CDH20: variants seen among roughly 807,000 people sequenced by gnomAD.
CDH20 encodes cadherin 20.
CDH20 carries 29 observed loss-of-function variants against 74.2 expected under a neutral mutation model. That is an observed-to-expected ratio of 0.39 (90% CI 0.29 to 0.53). CDH20 has a LOEUF of 0.53. Among genes scored for constraint, CDH20 ranks in the 20% least tolerant of loss-of-function variants. CDH20 has a pLI of 0.69. For synonymous variants in CDH20, 469 were observed against 405.4 expected (o/e 1.16, Z -1.88); for missense variants, 988 against 1,048.3 (o/e 0.94, Z 0.79).
intron 1 of CDH20, among the ~76,000 whole-genome samples, chr18:61,474,682 C>T (rs570201344): frequency 2.0e-5 from 3 of 152,098 alleles, no homozygotes; most frequent in African/African-American, 7.2e-5. Flanking sequence ...CTGTTGGTGC[C>T]GACACCATGC....
intron 6 of CDH20, among the ~76,000 whole-genome samples, chr18:61,520,583 G>C (rs1912170240): frequency 7.3e-6 from 1 of 136,320 alleles, no homozygotes; most frequent in African/African-American, 2.9e-5. Context: ...TCTGGACCAA[G>C]CAGACCTAAT....
chr18:61,520,780 A>C (rs1912177259), intron 6 of CDH20, among the ~76,000 whole-genome samples: 1 of 151,296 alleles, frequency 6.6e-6, no homozygotes, highest in Non-Finnish European at 1.5e-5. Context: ...AGGATTTAAA[A>C]ACTCACTCAA....
intron 6 of CDH20, among the ~76,000 whole-genome samples, chr18:61,507,844 T>A (rs1263341579): frequency 6.6e-6 from 1 of 152,154 alleles, no homozygotes; most frequent in Non-Finnish European, 1.5e-5. Context: ...CTTAAAAACC[T>A]GTTGTAGCTT....
At chr18:61,411,097 G>A (rs1277752788) in intron 1 of CDH20, among the ~76,000 whole-genome samples, 1 of 152,082 alleles carries the variant, frequency 6.6e-6, no homozygotes, top group Non-Finnish European at 1.5e-5. Flanking sequence ...CTACTCGGGG[G>A]GCTGAGGCAG....
chr18:61,482,803 T>C (rs902065248), intron 1 of CDH20, among the ~76,000 whole-genome samples: 1 of 152,156 alleles, frequency 6.6e-6, no homozygotes, highest in African/African-American at 2.4e-5. Flanking sequence ...GGCCCAACAT[T>C]ACTTTGGCAT....
intron 1 of CDH20, among the ~76,000 whole-genome samples, chr18:61,423,561 T>A (rs1411447324): frequency 1.3e-5 from 2 of 152,080 alleles, no homozygotes; most frequent in Non-Finnish European, 2.9e-5. Flanking sequence ...AGGCTGACTC[T>A]CTCTGGAAAT....
chr18:61,424,054 G>A (rs1912983210), intron 1 of CDH20, among the ~76,000 whole-genome samples: 1 of 152,150 alleles, frequency 6.6e-6, no homozygotes, highest in South Asian at 2.1e-4. Context: ...GCAGACTTGA[G>A]TATATGCAAC....
At chr18:61,528,347 G>GT (rs1395451623) in intron 7 of CDH20, 127 bp downstream of exon 7, 5 of 888,080 alleles carry the variant, frequency 5.6e-6, no homozygotes, top group Admixed American at 2.5e-5. Context: ...TCCTCTTTGA[G>GT]TTTTTTGTGT....
chr18:61,408,969 G>C (rs1912413456), intron 1 of CDH20, among the ~76,000 whole-genome samples: 1 of 152,096 alleles, frequency 6.6e-6, no homozygotes, highest in Non-Finnish European at 1.5e-5. Flanking sequence ...CTCCTCATCT[G>C]CCACACTACA....
chr18:61,395,830 C>T (rs922083651), intron 1 of CDH20, among the ~76,000 whole-genome samples: 1 of 152,102 alleles, frequency 6.6e-6, no homozygotes, highest in Non-Finnish European at 1.5e-5. Flanking sequence ...GTCAGGAGAT[C>T]GCGACCATCC....
intron 1 of CDH20, among the ~76,000 whole-genome samples, chr18:61,478,371 A>T (rs963451659): frequency 2.0e-5 from 3 of 152,220 alleles, no homozygotes; most frequent in African/African-American, 7.2e-5. Flanking sequence ...TTTCTCTTGC[A>T]TGTTGCCTGT....
chr18:61,461,328 T>TAA (rs33964985), intron 1 of CDH20, among the ~76,000 whole-genome samples: 18 of 129,494 alleles, frequency 1.4e-4, no homozygotes, highest in Middle Eastern at 4.1e-3. Flanking sequence ...CTGGGTGACT[T>TAA]AAAAAAAAAA....
rs756372319 is a variant in CDH20, at chr18:61,554,172, C to T, written c.1901-18C>T. The T allele has an allele frequency of 1.1e-5, 17 of 1,598,530 alleles. No homozygotes were observed. The South Asian group carries it at 1.7e-4, about 16-fold the overall frequency. On this transcript the variant is annotated intron_variant, in intron 11 of 11. Transcript: ENST00000262717. ...CACATCTCCTCGGTAAACACACTCT[C>T]CTTTTTGTTCCTGGCAGTGCTGGTG...
Position 61,539,087 on chromosome 18 carries a change from C to T in CDH20, c.1472C>T (p.Ala491Val). The T allele has an allele frequency of 6.2e-7, 1 of 1,613,962 alleles. No homozygotes were observed. Among genetic ancestry groups the T allele is most frequent in the Non-Finnish European group, 8.5e-7 (1 of 1,179,868 alleles). The change falls in exon 9 of 12, where the codon GCT (alanine) becomes GTT (valine). Residue 491 changes from alanine (A) to valine (V), a missense_variant. Ala to Val is a moderately conservative substitution (Grantham distance 64, BLOSUM62 0). Transcript: ENST00000262717. ...TIKVLDVNDN[A>V]PEFPRFYEAF... is the part of the protein sequence containing the mutation. ...AAAGTCTTAGATGTGAATGACAATGCTCCAGAGTTCCCCAGATTCTATGAA... is the reference window on the plus strand; with the variant it reads ...AAAGTCTTAGATGTGAATGACAATGTTCCAGAGTTCCCCAGATTCTATGAA...
Position 61,427,006 on chromosome 18 carries a change from A to T in CDH20, c.-152-63396A>T, listed in dbSNP as rs114424651. On this transcript the variant is annotated intron_variant, in intron 1 of 11. Coordinates refer to ENST00000262717, the MANE Select transcript of CDH20 (RefSeq NM_031891.4). ...AGAAGCAACAGTATGAAGGGGATGC[A>T]GAGCAAATCAGGGGTCAGAACAGAG... 1.1e-3 allele frequency among the ~76,000 whole-genome samples: 172 copies of T among 152,290 alleles called. 1 individual carries two copies. The highest frequency in any genetic ancestry group is 4.0e-3 in the African/African-American group (166 of 41,562).
intron 1 of CDH20, among the ~76,000 whole-genome samples, chr18:61,469,527 C>G (rs951505057): frequency 2.6e-5 from 4 of 152,172 alleles, no homozygotes; most frequent in Non-Finnish European, 5.9e-5. Context: ...GCCTTGTCTC[C>G]TCTCCCCTCT....
intron 1 of CDH20, among the ~76,000 whole-genome samples, chr18:61,417,772 A>G (rs780010777): frequency 2.6e-5 from 4 of 152,004 alleles, no homozygotes; most frequent in Non-Finnish European, 5.9e-5. Context: ...AGTCAACAAT[A>G]ATTTTATTGT....
intron 1 of CDH20, among the ~76,000 whole-genome samples, chr18:61,422,942 A>G (rs1421341895): frequency 2.6e-5 from 4 of 152,178 alleles, no homozygotes; most frequent in South Asian, 4.1e-4. Flanking sequence ...TTATAACGGA[A>G]TTCTCTTTTA....
At chr18:61,497,494 C>T (rs1335367377) in intron 2 of CDH20, among the ~76,000 whole-genome samples, 1 of 152,192 alleles carries the variant, frequency 6.6e-6, no homozygotes, top group African/African-American at 2.4e-5. Context: ...AACAAAAAAG[C>T]CAACAGGTTG....
Sources: allele counts gnomAD v4.1 joint callset (sites outside exome capture counted in the v4.1 genomes callset), GRCh38; gene constraint gnomAD v4.1.1; transcripts MANE v1.5; gene names NCBI Gene and HGNC (gene_info 2026-07-23, HGNC 2026-07-21).